Variants in NAA16 observed in about 807,000 individuals in gnomAD.
NAA16 encodes N-alpha-acetyltransferase 16, NatA auxiliary subunit.
A neutral mutation model predicts 110.3 loss-of-function variants in NAA16; 97 were observed. The observed-to-expected ratio is 0.88, with a 90% CI of 0.75 to 1.04. The LOEUF is 1.04. NAA16 is among the 50% of genes least tolerant of loss of function. NAA16 has a pLI of 0.00. For missense variants in NAA16, 1,017 were observed against 1,005.1 expected, an observed-to-expected ratio of 1.01 and a Z score of -0.16; for synonymous variants, 372 against 330.6, an observed-to-expected ratio of 1.13 and a Z score of -1.36.
intron 9 of NAA16, among the ~76,000 whole-genome samples, chr13:41,353,801 A>G (rs868390928): frequency 7.6e-6 from 1 of 131,030 alleles, no homozygotes. Context: ...ACACACACAC[A>G]CCCCAAAACA....
intron 9 of NAA16, among the ~76,000 whole-genome samples, chr13:41,348,299 C>T (rs1373592249): frequency 6.6e-6 from 1 of 152,122 alleles, no homozygotes; most frequent in African/African-American, 2.4e-5. Flanking sequence ...TCCCAAGTAG[C>T]TGGGACTACC....
Position 41,311,501 on chromosome 13 carries a change from C to A in NAA16, c.-28C>A. ...GCGCCCGGGCACCTAGCCTCCCTGC[C>A]GGCCACCTAGCCTCCCTGCCGGCCA... On this transcript the variant is annotated 5_prime_UTR_variant, in exon 1 of 20. Coordinates refer to ENST00000379406, the MANE Select transcript of NAA16 (RefSeq NM_024561.5). The A allele has an allele frequency of 1.3e-6, 2 of 1,580,662 alleles. No homozygotes were observed. The highest frequency in any genetic ancestry group is 1.7e-6 in the Non-Finnish European group (2 of 1,164,122).
chr13:41,318,617 G>T (rs2041868181), intron 2 of NAA16, among the ~76,000 whole-genome samples, 189 bp from the exon 3 acceptor site: 1 of 152,190 alleles, frequency 6.6e-6, no homozygotes, highest in South Asian at 2.1e-4. Flanking sequence ...GACTTGGGCT[G>T]CTAAGCTTTA....
intron 1 of NAA16, among the ~76,000 whole-genome samples, chr13:41,316,287 G>A (rs989695521): frequency 2.0e-5 from 3 of 150,538 alleles, no homozygotes; most frequent in South Asian, 2.1e-4. Context: ...GCGCCACCAC[G>A]TCTGGCTAAT....
rs941445031 is a variant in NAA16, at chr13:41,376,343, G to A, written c.*741G>A. ...TGAAGTTTATTTGAAAATTTAATTC[G>A]TCCTTTTTTCATTGTAATATTTCAT... is the stretch of plus-strand genomic sequence containing the variant. On this transcript the variant is annotated 3_prime_UTR_variant, in exon 20 of 20. Coordinates refer to ENST00000379406, the MANE Select transcript of NAA16 (RefSeq NM_024561.5). 31 of 152,090 alleles carry A rather than the reference G, an allele frequency of 2.0e-4. No individual in the cohort carries two copies. The highest frequency in any genetic ancestry group is 6.8e-4 in the African/African-American group (28 of 41,422). The allele number at this position is 152,090 out of a possible 1,614,324, so 9.4% of individuals were successfully genotyped here. A position where few individuals can be genotyped will look rare whatever the true frequency, so the allele number is the denominator to read the frequency against.
intron 9 of NAA16, among the ~76,000 whole-genome samples, chr13:41,341,822 A>T (rs1268024983): frequency 2.1e-5 from 3 of 140,032 alleles, no homozygotes; most frequent in Non-Finnish European, 3.0e-5. Flanking sequence ...TTCACATATT[A>T]TATCAGACCA....
intron 8 of NAA16, among the ~76,000 whole-genome samples, chr13:41,331,737 G>A (rs183025782): frequency 1.1e-3 from 162 of 152,116 alleles, no homozygotes; most frequent in Middle Eastern, 3.4e-3. Context: ...TGCAGAGTAA[G>A]GGGACTGTAG....
At chr13:41,353,371 C>CACAG (rs1295557507) in intron 9 of NAA16, among the ~76,000 whole-genome samples, 5 of 151,640 alleles carry the variant, frequency 3.3e-5, no homozygotes, top group African/African-American at 1.2e-4. Flanking sequence ...TGTCTGTTAA[C>CACAG]TTTAATTTTG....
intron 9 of NAA16, among the ~76,000 whole-genome samples, 155 bp from the exon 10 acceptor site, chr13:41,354,989 T>C (rs943795002): frequency 1.3e-5 from 2 of 150,088 alleles, no homozygotes; most frequent in Non-Finnish European, 3.0e-5. Flanking sequence ...GAAATACTCA[T>C]GTTAGGAATG....
rs925507803 is a variant in NAA16, at chr13:41,320,945, G to A, written c.402+121G>A. On this transcript the variant is annotated intron_variant, in intron 4 of 19. Coordinates refer to ENST00000379406, the MANE Select transcript of NAA16 (RefSeq NM_024561.5). Reference sequence around the variant, plus strand: ...TAGATTTGATTGTTCATTAGAAGGTGTATGTCGCTTGGGACCTTCCTTCTC... The same window carrying A: ...TAGATTTGATTGTTCATTAGAAGGTATATGTCGCTTGGGACCTTCCTTCTC... 4 of 847,924 alleles carry A rather than the reference G, an allele frequency of 4.7e-6. No homozygotes were observed. In the African/African-American group the frequency reaches 5.2e-5, roughly 11 times the overall value. The allele number at this position is 847,924 out of a possible 1,614,324, so 52.5% of individuals were successfully genotyped here.
intron 13 of NAA16, 53 bp from the exon 14 acceptor site, chr13:41,367,386 T>G (rs1034476930): frequency 3.7e-5 from 48 of 1,286,726 alleles, no homozygotes; most frequent in Non-Finnish European, 4.9e-5. Flanking sequence ...TTTCTAAAGG[T>G]AGACATTATT....
intron 13 of NAA16, among the ~76,000 whole-genome samples, chr13:41,364,236 A>C (rs1761753592): frequency 6.6e-6 from 1 of 152,152 alleles, no homozygotes; most frequent in Admixed American, 6.5e-5. Context: ...AATAAGTTCA[A>C]ATAAGGGTTA....
At chr13:41,364,751 TATCTTA>T (rs1176902103) in intron 13 of NAA16, among the ~76,000 whole-genome samples, 4 of 152,342 alleles carry the variant, frequency 2.6e-5, no homozygotes, top group African/African-American at 7.2e-5. Context: ...TCTTCTATTG[TATCTTA>T]ATCTTTATCA....
Position 41,372,245 on chromosome 13 carries a change from C to G in NAA16, c.1990C>G (p.Leu664Val), listed in dbSNP as rs763907713. The G allele has an allele frequency of 3.1e-6, 5 of 1,604,524 alleles. No homozygotes were observed. In the South Asian group the frequency reaches 5.6e-5, roughly 18 times the overall value. Reference sequence around the variant, plus strand: ...GGAAGCCGTTAAGTTCCTTATACCTCTTAAGAACCTTGTTGCTGATAACAT... The same window carrying G: ...GGAAGCCGTTAAGTTCCTTATACCTGTTAAGAACCTTGTTGCTGATAACAT... Reference protein sequence around the residue: ...LEEAVKFLIPLKNLVADNIDT... With the variant: ...LEEAVKFLIPVKNLVADNIDT... Residue 664 changes from leucine (L) to valine (V), a missense_variant, in exon 16 of 20, where the codon CTT becomes GTT. Coordinates refer to ENST00000379406, the MANE Select transcript of NAA16 (RefSeq NM_024561.5).
At chr13:41,362,644 G>A in intron 13 of NAA16, 1 of 1,166,460 alleles carries the variant, frequency 8.6e-7, no homozygotes, top group East Asian at 5.7e-5. Context: ...TTGCTTTTAG[G>A]ATTATTTGTG....
At chr13:41,319,109 A>G (rs1336180800) in intron 3 of NAA16, among the ~76,000 whole-genome samples, 199 bp downstream of exon 3, 1 of 152,080 alleles carries the variant, frequency 6.6e-6, no homozygotes, top group Non-Finnish European at 1.5e-5. Context: ...CTCCTATATT[A>G]GTTTCATTTG....
At chr13:41,324,589 T>C (rs1054815569) in intron 5 of NAA16, among the ~76,000 whole-genome samples, 1 of 151,886 alleles carries the variant, frequency 6.6e-6, no homozygotes, top group African/African-American at 2.4e-5. Context: ...TTGGCCAGGC[T>C]GGTCTCAAAC....
chr13:41,326,825 T>C (rs1214490259), intron 6 of NAA16, among the ~76,000 whole-genome samples: 1 of 152,176 alleles, frequency 6.6e-6, no homozygotes, highest in Non-Finnish European at 1.5e-5. Flanking sequence ...CCCACTGTCA[T>C]GCTCTATGGG....
rs147045271 is a variant in NAA16, at chr13:41,360,107, A to G, written c.1410+1145A>G. Among the ~76,000 whole-genome samples the G allele has an allele frequency of 1.2e-3, 190 of 152,286 alleles. 1 individual carries two copies. Among genetic ancestry groups the G allele is most frequent in the African/African-American group, 4.3e-3 (180 of 41,560 alleles). ...AGTACAAGGAATAAACATAAAACCA[A>G]TTATGTTTTCAGAGAAAAGTACCAC... On this transcript the variant is annotated intron_variant, in intron 12 of 19. Transcript: ENST00000379406.
Sources: gnomAD v4.1 joint callset for allele counts (sites outside exome capture counted in the v4.1 genomes callset) on GRCh38, gnomAD v4.1.1 for gene constraint, MANE v1.5 for transcripts, NCBI Gene and HGNC (gene_info 2026-07-23, HGNC 2026-07-21) for gene names.